Variants in MED15 observed in about 807,000 individuals in gnomAD.
MED15 encodes mediator of RNA polymerase II transcription subunit 15.
In MED15, 41 loss-of-function variants were observed where a neutral mutation model predicts 118.7. The ratio of observed to expected loss-of-function variants is 0.35; its 90% CI spans 0.27 to 0.45. The LOEUF is 0.45. Ranked by LOEUF, MED15 falls within the 20% of genes least tolerant of loss-of-function variation. MED15 has a pLI of 1.00. For synonymous variants in MED15, 436 were observed against 413.9 expected (o/e 1.05, Z -0.65); for missense variants, 740 against 1,025.5 (o/e 0.72, Z 3.80).
At chr22:20,542,139 G>A (rs2055338180) in intron 2 of MED15, among the ~76,000 whole-genome samples, 3 of 152,190 alleles carry the variant, frequency 2.0e-5, no homozygotes, top group African/African-American at 7.2e-5. Flanking sequence ...ATGTGAAATG[G>A]TGCTGTGGAA....
intron 15 of MED15, 43 bp downstream of exon 15, chr22:20,585,058 T>A: frequency 1.2e-6 from 2 of 1,613,464 alleles, no homozygotes; most frequent in Non-Finnish European, 1.7e-6. Context: ...CGGCCAGCCC[T>A]GGGCCGCGTG....
In MED15 at chr22:20,586,527, G is replaced by T. The variant is rs1354076988; in HGVS notation, c.2231-41G>T. 3 of 1,601,382 alleles carry T rather than the reference G, an allele frequency of 1.9e-6. No homozygotes were observed. The South Asian group carries it at 3.3e-5, about 18-fold the overall frequency. On this transcript the variant is annotated intron_variant, in intron 17 of 17. Transcript: ENST00000263205. Reference sequence around the variant, plus strand: ...GCCGGGTGTGCCAGGAGCGAGCGCAGCGCCGGCCGCCTTAGGTTCACGCCC... The same window carrying T: ...GCCGGGTGTGCCAGGAGCGAGCGCATCGCCGGCCGCCTTAGGTTCACGCCC...
At chr22:20,547,647 G>A (rs1354329006) in intron 2 of MED15, among the ~76,000 whole-genome samples, 3 of 151,766 alleles carry the variant, frequency 2.0e-5, no homozygotes, top group Non-Finnish European at 2.9e-5. Flanking sequence ...GTGAAACCCC[G>A]TCTCCACTAA....
rs557870710 is a variant in MED15, at chr22:20,555,745, G to A, written c.451+597G>A. On this transcript the variant is annotated intron_variant, in intron 5 of 17. Coordinates refer to ENST00000263205, the MANE Select transcript of MED15 (RefSeq NM_001003891.3). ...CTTTCCAGGACCTGTCTTTTGAGAC[G>A]GGGTCTCGCTCTGTGGGCCACATTG... Among the ~76,000 whole-genome samples the A allele has an allele frequency of 2.0e-4, 31 of 152,334 alleles. No individual in the cohort carries two copies. The South Asian group carries it at 5.4e-3, about 26-fold the overall frequency.
chr22:20,531,710 T>G (rs1472517439), intron 1 of MED15, among the ~76,000 whole-genome samples: 2 of 152,262 alleles, frequency 1.3e-5, no homozygotes, highest in Non-Finnish European at 2.9e-5. Flanking sequence ...TTATTGTGCC[T>G]GGCAGTGATG....
At position 20,582,884 on chromosome 22, in the gene MED15, C is replaced by T; in HGVS notation, c.1454C>T (p.Ser485Leu). 2 of 1,613,570 alleles carry T rather than the reference C, an allele frequency of 1.2e-6. No individual in the cohort carries two copies. Among genetic ancestry groups the T allele is most frequent in the Non-Finnish European group, 8.5e-7 (1 of 1,180,008 alleles). ...CCCAGTAGCTTCCTGCCCAGCCCCT[C>T]ACCGCAGCCCTCCCAGAGCCCAGTG... ...PSPSSFLPSPSPQPSQSPVTA... is the reference protein window; with the variant it reads ...PSPSSFLPSPLPQPSQSPVTA... The change falls in exon 11 of 18, where the codon TCA (serine) becomes TTA (leucine). Residue 485 changes from serine to leucine, a missense_variant. By Grantham distance (145) the Ser-to-Leu change is moderately radical. Transcript: ENST00000263205.
At chr22:20,568,771 A>C in intron 8 of MED15, 140 bp downstream of exon 8, 1 of 1,375,172 alleles carries the variant, frequency 7.3e-7, no homozygotes, top group South Asian at 1.4e-5. Flanking sequence ...TCCCCCTTGC[A>C]CTCTGCAAGA....
At chr22:20,555,879 G>A (rs889695511) in intron 5 of MED15, among the ~76,000 whole-genome samples, 8 of 152,140 alleles carry the variant, frequency 5.3e-5, no homozygotes, top group South Asian at 2.1e-4. Context: ...ACAGCACCGC[G>A]CCCGGCTAAT....
chr22:20,568,469 C>T (rs2056521971), intron 7 of MED15, 52 bp from the exon 8 acceptor site: 1 of 1,592,850 alleles, frequency 6.3e-7, no homozygotes, highest in East Asian at 2.3e-5. Flanking sequence ...AGACTAGGCT[C>T]TGCTCTCTGA....
intron 1 of MED15, chr22:20,508,190 G>A (rs1353379970): frequency 5.7e-6 from 7 of 1,219,008 alleles, no homozygotes; most frequent in Non-Finnish European, 7.4e-6. Flanking sequence ...AGATGAGATT[G>A]GGAAGGTAGT....
chr22:20,523,641 C>A, intron 1 of MED15: 1 of 985,354 alleles, frequency 1.0e-6, no homozygotes, highest in East Asian at 1.1e-4. Flanking sequence ...CTCCTCCTTG[C>A]CACATGCTTG....
Position 20,586,636 on chromosome 22 carries a change from C to T in MED15, c.2299C>T (p.His767Tyr). 1 of 1,613,030 alleles carries T rather than the reference C, an allele frequency of 6.2e-7. No individual in the cohort carries two copies. The highest frequency in any genetic ancestry group is 8.5e-7 in the Non-Finnish European group (1 of 1,179,984). The change falls in exon 18 of 18, where the codon CAC becomes TAC. Residue 767 changes from histidine (H) to tyrosine (Y), a missense_variant. Physicochemically the swap from His to Tyr is moderately conservative, Grantham distance 83. Around this residue, in one of 7 missense-constraint regions of MED15, gnomAD observed 179 missense variants for 259.0 expected, o/e 0.69. Transcript: ENST00000263205. ...TSRLLQLPDK[H>Y]SVTALLNTWA... ...CAGGCTGCTGCAGCTCCCGGACAAG[C>T]ACTCGGTCACCGCCTTGCTCAACAC...
At chr22:20,519,192 G>C (rs916867681) in intron 1 of MED15, among the ~76,000 whole-genome samples, 1 of 152,110 alleles carries the variant, frequency 6.6e-6, no homozygotes, top group Non-Finnish European at 1.5e-5. Flanking sequence ...GTACAGGCTA[G>C]AGAACAGAGG....
At chr22:20,525,995 G>A (rs1167021050) in intron 1 of MED15, among the ~76,000 whole-genome samples, 3 of 150,680 alleles carry the variant, frequency 2.0e-5, no homozygotes, top group African/African-American at 2.4e-5. Flanking sequence ...ATTTTGGCTC[G>A]CTGCAGCTTC....
chr22:20,556,716 C>T (rs953666429), intron 5 of MED15, among the ~76,000 whole-genome samples: 4 of 152,156 alleles, frequency 2.6e-5, no homozygotes, highest in African/African-American at 4.8e-5. Flanking sequence ...CATGCGGAGC[C>T]GTTCCATTAC....
chr22:20,507,860 C>T lies in MED15; in HGVS notation c.68+114C>T, dbSNP rs2053922527. On this transcript the variant is annotated intron_variant, in intron 1 of 17. Coordinates refer to ENST00000263205, the MANE Select transcript of MED15 (RefSeq NM_001003891.3). ...TACGGCGCCGGGAGACAGAAGGCGC[C>T]GGGGACTTGCGTGGGTCCCAGGGCT... 1.1e-5 allele frequency: 17 copies of T among 1,524,076 alleles called. No individual in the cohort carries two copies. The South Asian group carries it at 1.5e-4, about 13-fold the overall frequency. 94.4% of individuals were successfully genotyped at this position (1,524,076 alleles called of 1,614,324 possible). A position where few individuals can be genotyped will look rare whatever the true frequency, so the allele number is the denominator to read the frequency against.
At chr22:20,566,031 T>C (rs1476853626) in intron 6 of MED15, among the ~76,000 whole-genome samples, 2 of 54,346 alleles carry the variant, frequency 3.7e-5, no homozygotes, top group Non-Finnish European at 6.7e-5. Context: ...CAGGAAGGCC[T>C]TTTTTTTTTT....
At chr22:20,579,204 G>A (rs543618051) in intron 9 of MED15, among the ~76,000 whole-genome samples, 10 of 152,250 alleles carry the variant, frequency 6.6e-5, no homozygotes, top group Admixed American at 2.6e-4. Context: ...TTTCTTTCTC[G>A]CCTCTCTGGC....
In MED15 at chr22:20,586,577, C is replaced by T; in HGVS notation, c.2240C>T (p.Pro747Leu). 6.2e-7 allele frequency: 1 copy of T among 1,612,746 alleles called. No homozygotes were observed. Among genetic ancestry groups the T allele is most frequent in the Non-Finnish European group, 8.5e-7 (1 of 1,179,854 alleles). ...IDRQWQYDAN[P>L]FLQSVHRCMT... Reference sequence around the variant, plus strand: ...CACTGCTCTGTTGCAGACGCCAACCCCTTCCTCCAGTCGGTGCACCGCTGC... The same window carrying T: ...CACTGCTCTGTTGCAGACGCCAACCTCTTCCTCCAGTCGGTGCACCGCTGC... The change falls in exon 18 of 18, where the codon CCC becomes CTC. Residue 747 changes from proline (P) to leucine (L), a missense_variant. Physicochemically the swap from Pro to Leu is moderately conservative, Grantham distance 98. Around this residue, in one of 7 missense-constraint regions of MED15, gnomAD observed 179 missense variants for 259.0 expected, o/e 0.69. Transcript: ENST00000263205.
Sources: allele counts gnomAD v4.1 joint callset (sites outside exome capture counted in the v4.1 genomes callset), GRCh38; gene constraint gnomAD v4.1.1; regional missense constraint gnomAD v4.1.1; transcripts MANE v1.5; gene names NCBI Gene and HGNC (gene_info 2026-07-23, HGNC 2026-07-21).